ARHGAP22: variants seen among roughly 807,000 people sequenced by gnomAD.
ARHGAP22 encodes Rho GTPase activating protein 22, also known as rho GTPase-activating protein 22.
In ARHGAP22, 48 loss-of-function variants were observed where a neutral mutation model predicts 59.1. That is an observed-to-expected ratio of 0.81 (90% CI 0.64 to 1.03). The LOEUF is 1.03. ARHGAP22 is among the 50% of genes least tolerant of loss of function. ARHGAP22 has a pLI of 0.00. For missense variants in ARHGAP22, 1,015 were observed against 958.7 expected (o/e 1.06, Z -0.78); for synonymous variants, 445 against 416.4 (o/e 1.07, Z -0.84).
intron 3 of ARHGAP22, among the ~76,000 whole-genome samples, chr10:48,490,170 A>C (rs1238537882): frequency 1.3e-5 from 2 of 152,120 alleles, no homozygotes; most frequent in African/African-American, 4.8e-5. Context: ...AAAGGGACCC[A>C]CCTCATCAGG....
chr10:48,509,285 T>TG (rs998544616), intron 3 of ARHGAP22, among the ~76,000 whole-genome samples: 2 of 152,072 alleles, frequency 1.3e-5, no homozygotes, highest in Non-Finnish European at 1.5e-5. Flanking sequence ...CTGGACCCCA[T>TG]GGGGCATCGC....
intron 4 of ARHGAP22, among the ~76,000 whole-genome samples, chr10:48,463,451 G>A (rs1175703675): frequency 4.6e-5 from 7 of 152,254 alleles, no homozygotes; most frequent in African/African-American, 1.7e-4. Context: ...ATGGGCAGAG[G>A]GTCCCATGAG....
chr10:48,499,008 T>C (rs1187491448), intron 3 of ARHGAP22, among the ~76,000 whole-genome samples: 3 of 151,628 alleles, frequency 2.0e-5, no homozygotes, highest in Non-Finnish European at 2.9e-5. Context: ...CCCCTCTCCA[T>C]GGAAGGGGCG....
chr10:48,568,100 T>A (rs1187109269), intron 2 of ARHGAP22, among the ~76,000 whole-genome samples: 1 of 152,198 alleles, frequency 6.6e-6, no homozygotes, highest in Admixed American at 6.5e-5. Context: ...CAGTCTCATC[T>A]ACTTTGACTC....
At chr10:48,619,494 C>T (rs1363976589) in intron 1 of ARHGAP22, among the ~76,000 whole-genome samples, 2 of 152,136 alleles carry the variant, frequency 1.3e-5, no homozygotes, top group Non-Finnish European at 2.9e-5. Flanking sequence ...AAAACAAACA[C>T]ATAGACCAAT....
chr10:48,516,326 A>G (rs1262813722), intron 3 of ARHGAP22, among the ~76,000 whole-genome samples: 1 of 152,118 alleles, frequency 6.6e-6, no homozygotes, highest in African/African-American at 2.4e-5. Context: ...AGAGTTTGAG[A>G]CGAGCTTGGG....
chr10:48,517,429 G>A (rs1589883322), intron 3 of ARHGAP22, among the ~76,000 whole-genome samples: 2 of 152,124 alleles, frequency 1.3e-5, no homozygotes, highest in East Asian at 1.9e-4. Flanking sequence ...TTTGGTTCCA[G>A]GATTCCTGGG....
intron 3 of ARHGAP22, among the ~76,000 whole-genome samples, chr10:48,554,668 G>T (rs7904457): frequency 0.013 from 2,001 of 152,110 alleles, 54 homozygotes; most frequent in African/African-American, 0.046. Context: ...GACTTGGGGG[G>T]TGGGAGTGGG....
upstream of ARHGAP22, chr10:48,605,223 C>G: frequency 1.1e-6 from 1 of 927,198 alleles, no homozygotes; most frequent in Non-Finnish European, 1.3e-6. Context: ...GGGGTTCCGG[C>G]CATCCTTTGC....
At chr10:48,516,474 G>A (rs1017347143) in intron 3 of ARHGAP22, among the ~76,000 whole-genome samples, 1 of 152,134 alleles carries the variant, frequency 6.6e-6, no homozygotes, top group Non-Finnish European at 1.5e-5. Flanking sequence ...GCTGCAGTGA[G>A]CCATGATTGT....
At chr10:48,455,782 C>G (rs893772404) in intron 5 of ARHGAP22, among the ~76,000 whole-genome samples, 1 of 152,232 alleles carries the variant, frequency 6.6e-6, no homozygotes, top group African/African-American at 2.4e-5. Flanking sequence ...GCATCAAAGG[C>G]GCCCACAATG....
intron 1 of ARHGAP22, among the ~76,000 whole-genome samples, chr10:48,590,461 G>A (rs973782657): frequency 1.1e-4 from 16 of 152,130 alleles, no homozygotes; most frequent in Non-Finnish European, 2.4e-4. Flanking sequence ...CAAGAATGAG[G>A]CCTTCCTCTG....
At chr10:48,553,694 C>G (rs1469952896) in intron 3 of ARHGAP22, among the ~76,000 whole-genome samples, 1 of 152,118 alleles carries the variant, frequency 6.6e-6, no homozygotes, top group Non-Finnish European at 1.5e-5. Context: ...GACTATGTTA[C>G]CTTATATGGC....
At chr10:48,439,280 A>G in the ARHGAP22 span, 1 of 149,922 alleles carries the variant, frequency 6.7e-6, no homozygotes, top group Non-Finnish European at 1.5e-5. Context: ...CACCACTGGA[A>G]TGTAAACAAT....
intron 1 of ARHGAP22, among the ~76,000 whole-genome samples, chr10:48,651,828 T>C (rs986590140): frequency 6.6e-6 from 1 of 152,110 alleles, no homozygotes; most frequent in Non-Finnish European, 1.5e-5. Context: ...ATGTCCTCAC[T>C]ATTTCTCTAC....
At chr10:48,542,931 G>A (rs1366227924) in intron 3 of ARHGAP22, among the ~76,000 whole-genome samples, 1 of 152,168 alleles carries the variant, frequency 6.6e-6, no homozygotes, top group Non-Finnish European at 1.5e-5. Context: ...GAGAGCTGGG[G>A]AGGCTGAGCC....
chr10:48,444,152 C>T (rs74606037), downstream of ARHGAP22: 109 of 152,278 alleles, frequency 7.2e-4, no homozygotes, highest in African/African-American at 2.4e-3. Context: ...TCTAGGGTTT[C>T]GATGAATCAA....
chr10:48,594,477 A>G (rs1280314741), intron 1 of ARHGAP22, among the ~76,000 whole-genome samples: 1 of 152,166 alleles, frequency 6.6e-6, no homozygotes, highest in Non-Finnish European at 1.5e-5. Context: ...AAGCTCAGAC[A>G]TTGCTCTCTG....
intron 1 of ARHGAP22, among the ~76,000 whole-genome samples, chr10:48,649,492 T>C (rs1035539371): frequency 6.6e-6 from 1 of 152,210 alleles, no homozygotes; most frequent in Admixed American, 6.5e-5. Context: ...TTGGACACTC[T>C]GGCTGGGTAT....
Sources: gnomAD v4.1 joint callset for allele counts (sites outside exome capture counted in the v4.1 genomes callset) on GRCh38, gnomAD v4.1.1 for gene constraint, MANE v1.5 for transcripts, NCBI Gene and HGNC (gene_info 2026-07-23, HGNC 2026-07-21) for gene names.